Variants in RGS8 observed in about 807,000 individuals in gnomAD.
RGS8 encodes the protein regulator of G protein signaling 8.
In RGS8, 8 loss-of-function variants were observed where a neutral mutation model predicts 21.7. The ratio of observed to expected loss-of-function variants is 0.37; its 90% CI spans 0.22 to 0.66. The LOEUF (loss-of-function observed/expected upper bound fraction) is 0.66. Among genes scored for constraint, RGS8 ranks in the 30% least tolerant of loss-of-function variants. The pLI is 0.59. For synonymous variants in RGS8, 80 were observed against 83.6 expected, an observed-to-expected ratio of 0.96 and a Z score of 0.24; for missense variants, 157 against 217.9, an observed-to-expected ratio of 0.72 and a Z score of 1.76.
the RGS8 span, among the ~76,000 whole-genome samples, chr1:182,717,612 A>C: frequency 6.6e-6 from 1 of 152,190 alleles, no homozygotes; most frequent in African/African-American, 2.4e-5. Context: ...GGGTGTCCCT[A>C]TCTGAAAGAG....
intron 5 of RGS8, among the ~76,000 whole-genome samples, chr1:182,654,889 C>T (rs558201221): frequency 6.8e-4 from 103 of 151,690 alleles, no homozygotes; most frequent in African/African-American, 2.4e-3. Flanking sequence ...AAGGATTTAG[C>T]AAGTGGCAAT....
the RGS8 span, among the ~76,000 whole-genome samples, chr1:182,748,533 T>C: frequency 6.6e-6 from 1 of 152,258 alleles, no homozygotes; most frequent in Non-Finnish European, 1.5e-5. Context: ...TGATTCCATG[T>C]CTTGGCTATT....
intron 1 of RGS8, among the ~76,000 whole-genome samples, chr1:182,683,289 AG>A (rs1346063477): frequency 1.3e-5 from 2 of 152,230 alleles, no homozygotes; most frequent in East Asian, 3.9e-4. Flanking sequence ...AGCCATCATC[AG>A]CGTAATACCA....
the RGS8 span, among the ~76,000 whole-genome samples, chr1:182,693,471 T>C: frequency 1.3e-5 from 2 of 152,082 alleles, no homozygotes; most frequent in Non-Finnish European, 2.9e-5. Flanking sequence ...AAAAAAATAA[T>C]AGATGTTAGC....
the RGS8 span, among the ~76,000 whole-genome samples, chr1:182,701,782 T>C: frequency 6.6e-6 from 1 of 152,222 alleles, no homozygotes; most frequent in East Asian, 1.9e-4. Flanking sequence ...GGATCTCCCC[T>C]TCTTCACTGC....
chr1:182,702,182 G>A, the RGS8 span, among the ~76,000 whole-genome samples: 5 of 152,170 alleles, frequency 3.3e-5, no homozygotes, highest in Non-Finnish European at 7.3e-5. Flanking sequence ...ATGTTGGGTT[G>A]GATAAAGAAA....
At chr1:182,706,987 A>G in the RGS8 span, among the ~76,000 whole-genome samples, 1 of 151,644 alleles carries the variant, frequency 6.6e-6, no homozygotes, top group Non-Finnish European at 1.5e-5. Context: ...GCGAAATCCC[A>G]TCTCTACTAA....
At chr1:182,721,025 A>C in the RGS8 span, among the ~76,000 whole-genome samples, 1 of 84,596 alleles carries the variant, frequency 1.2e-5, no homozygotes. Context: ...ACACATATAT[A>C]TGTGTGTATA....
chr1:182,686,264 T>C (rs755404465), upstream of RGS8, among the ~76,000 whole-genome samples: 7 of 152,088 alleles, frequency 4.6e-5, no homozygotes, highest in Non-Finnish European at 1.0e-4. Context: ...ATGTAAAGGG[T>C]CCATTGGGAC....
chr1:182,751,269 C>A, the RGS8 span, among the ~76,000 whole-genome samples: 2 of 152,172 alleles, frequency 1.3e-5, no homozygotes, highest in Non-Finnish European at 2.9e-5. Flanking sequence ...ATGATTACAT[C>A]TACACTTTTA....
chr1:182,684,134 C>T lies in RGS8; in HGVS notation n.221+222G>A, dbSNP rs2102460020. Among the ~76,000 whole-genome samples the T allele has an allele frequency of 6.6e-6, 1 of 152,300 alleles. No individual in the cohort carries two copies. Among genetic ancestry groups the T allele is most frequent in the African/African-American group, 2.4e-5 (1 of 41,554 alleles). On this transcript the variant is annotated intron_variant and non_coding_transcript_variant, in intron 1 of 4. Transcript: ENST00000515211. The surrounding 1 kb of genome is among the most constrained non-coding windows in gnomAD (Gnocchi z 4.2). The stretch of plus-strand genomic sequence containing the variant: ...AAGGACATTTGAGGCTTAGCACCTG[C>T]TAACTGGGAAGAACAGGCATATTTC...
At chr1:182,734,446 A>G in the RGS8 span, 1 of 152,256 alleles carries the variant, frequency 6.6e-6, no homozygotes, top group African/African-American at 2.4e-5. Flanking sequence ...CCAAGTTAAA[A>G]AGATTAGAAG....
At chr1:182,723,135 G>A in the RGS8 span, among the ~76,000 whole-genome samples, 2 of 152,052 alleles carry the variant, frequency 1.3e-5, no homozygotes, top group African/African-American at 4.8e-5. Context: ...TTGATGTTCT[G>A]GGTTGGGGGG....
chr1:182,651,979 T>A (rs532498430), intron 5 of RGS8, among the ~76,000 whole-genome samples: 1 of 152,296 alleles, frequency 6.6e-6, no homozygotes, highest in East Asian at 1.9e-4. Flanking sequence ...GACCTGAGGG[T>A]CCGTAGGCCA....
At chr1:182,665,899 C>A in intron 5 of RGS8, 70 bp downstream of exon 6, 1 of 1,377,476 alleles carries the variant, frequency 7.3e-7, no homozygotes, top group Non-Finnish European at 1.0e-6. Flanking sequence ...TGGATCATCA[C>A]AGGCCTTTGG....
the RGS8 span, among the ~76,000 whole-genome samples, chr1:182,741,950 T>C: frequency 7.3e-6 from 1 of 136,732 alleles, no homozygotes; most frequent in South Asian, 2.5e-4. Flanking sequence ...CCAGACGGGG[T>C]GGCTGCTGGG....
chr1:182,749,536 G>A, the RGS8 span, among the ~76,000 whole-genome samples: 1 of 152,142 alleles, frequency 6.6e-6, no homozygotes, highest in Non-Finnish European at 1.5e-5. Context: ...GACACCTCCA[G>A]CTTTGCTCTT....
At chr1:182,645,677 G>A (rs1035620390), downstream of RGS8, 1 of 152,192 alleles carries the variant, frequency 6.6e-6, no homozygotes, top group Non-Finnish European at 1.5e-5. Flanking sequence ...ATTTTCCCAG[G>A]AAGTATGCTG....
At chr1:182,745,792 C>G in the RGS8 span, among the ~76,000 whole-genome samples, 1 of 152,202 alleles carries the variant, frequency 6.6e-6, no homozygotes, top group Admixed American at 6.5e-5. Flanking sequence ...AAATCCCTGC[C>G]ATAGCTTCCT....
Sources: gnomAD v4.1 joint callset for allele counts (sites outside exome capture counted in the v4.1 genomes callset) on GRCh38, gnomAD v4.1.1 for gene constraint, Gnocchi (gnomAD v3.1) non-coding constraint, MANE v1.5 for transcripts, NCBI Gene and HGNC (gene_info 2026-07-23, HGNC 2026-07-21) for gene names.